The following USP8 variants were observed in gnomAD, a reference collection of about 807,000 sequenced individuals.
The protein encoded by USP8 is ubiquitin specific peptidase 8, also known as ubiquitin carboxyl-terminal hydrolase 8.
A neutral mutation model predicts 130.0 loss-of-function variants in USP8; 27 were observed. The ratio of observed to expected loss-of-function variants is 0.21; its 90% CI spans 0.15 to 0.29. USP8 has a LOEUF of 0.29. Ranked by LOEUF, USP8 falls within the 10% of genes least tolerant of loss-of-function variation. The pLI, the probability that USP8 is intolerant of heterozygous loss-of-function variation, is 1.00. For missense variants in USP8, 1,029 were observed against 1,312.2 expected, an observed-to-expected ratio of 0.78 and a Z score of 3.33; for synonymous variants, 392 against 444.1, an observed-to-expected ratio of 0.88 and a Z score of 1.48.
At chr15:50,487,543 C>T (rs2052008990) in intron 12 of USP8, among the ~76,000 whole-genome samples, 1 of 152,190 alleles carries the variant, frequency 6.6e-6, no homozygotes, top group Non-Finnish European at 1.5e-5. Context: ...CTAAGCAGGG[C>T]TTCACACCAG....
At chr15:50,496,221 CT>C in intron 17 of USP8, 137 bp downstream of exon 17, 1 of 673,814 alleles carries the variant, frequency 1.5e-6, no homozygotes, top group East Asian at 2.8e-5. Context: ...TGGCTCATAC[CT>C]TGTACTCCCA....
At chr15:50,446,679 G>A (rs11070778) in intron 3 of USP8, among the ~76,000 whole-genome samples, 20,809 of 152,166 alleles carry the variant, frequency 0.14, 1,918 homozygotes, top group Middle Eastern at 0.28. Flanking sequence ...ACATAGTGAA[G>A]GGTCCTTCTA....
At chr15:50,459,985 C>CCT in intron 5 of USP8, among the ~76,000 whole-genome samples, 1 of 96,112 alleles carries the variant, frequency 1.0e-5, no homozygotes, top group Non-Finnish European at 2.1e-5. Flanking sequence ...CCCAGTTCCC[C>CCT]CACCCCCCCC....
Position 50,511,814 on chromosome 15 carries a change from T to C in USP8, c.*12726T>C, listed in dbSNP as rs2052741796. ...GAGTTTGAGACCAGCCTGGGCAATA[T>C]AGCAAAACCCCATCTCAACCAAAAT... On this transcript the variant is annotated 3_prime_UTR_variant, in exon 20 of 20. Transcript: ENST00000307179. 1 of 151,970 alleles carries C rather than the reference T, an allele frequency of 6.6e-6. No individual in the cohort carries two copies. Among genetic ancestry groups the C allele is most frequent in the South Asian group, 2.1e-4 (1 of 4,820 alleles). 9.4% of individuals were successfully genotyped at this position (151,970 alleles called of 1,614,324 possible). A position where few individuals can be genotyped will look rare whatever the true frequency, so the allele number is the denominator to read the frequency against.
Position 50,499,607 on chromosome 15 carries a change from T to TAAC in USP8, c.*519_*520insAAC, listed in dbSNP as rs1384290967. On this transcript the variant is annotated 3_prime_UTR_variant, in exon 20 of 20. Transcript: ENST00000307179. ...TTTTTTTCTTTCAGCCTATTTTGAG[T>TAAC]TAACTTCAGTGCTTTCTTAGGGAAA... 1 of 43,464 alleles carries TAAC rather than the reference T, an allele frequency of 2.3e-5. No individual in the cohort carries two copies. The highest frequency in any genetic ancestry group is 3.3e-4 in the Admixed American group (1 of 3,076). The allele number at this position is 43,464 out of a possible 1,614,324, so 2.7% of individuals were successfully genotyped here.
At chr15:50,438,064 G>C (rs1451201910) in intron 1 of USP8, among the ~76,000 whole-genome samples, 1 of 152,206 alleles carries the variant, frequency 6.6e-6, no homozygotes, top group African/African-American at 2.4e-5. Context: ...AATGTGCACA[G>C]GGTTAGAAGG....
intron 1 of USP8, among the ~76,000 whole-genome samples, chr15:50,434,036 A>G (rs1290864222): frequency 6.6e-6 from 1 of 152,024 alleles, no homozygotes; most frequent in Non-Finnish European, 1.5e-5. Flanking sequence ...TGTTAGAAGC[A>G]TGTTAATTTT....
At chr15:50,437,999 A>G (rs2050140259) in intron 1 of USP8, among the ~76,000 whole-genome samples, 1 of 152,246 alleles carries the variant, frequency 6.6e-6, no homozygotes, top group African/African-American at 2.4e-5. Flanking sequence ...AAAAGTGAAA[A>G]TGATAAAAAT....
At chr15:50,487,380 G>T in intron 12 of USP8, among the ~76,000 whole-genome samples, 1 of 149,804 alleles carries the variant, frequency 6.7e-6, no homozygotes, top group South Asian at 2.2e-4. Flanking sequence ...GAGAGAGAGA[G>T]AGACACACAC....
At chr15:50,432,313 A>G (rs1309864647) in intron 1 of USP8, 2 of 152,004 alleles carry the variant, frequency 1.3e-5, no homozygotes, top group Non-Finnish European at 2.9e-5. Context: ...GCTACCTACC[A>G]TTTCTCCCTA....
At chr15:50,424,648 C>T (rs2049639447) in intron 1 of USP8, 134 bp downstream of exon 1, 2 of 396,374 alleles carry the variant, frequency 5.0e-6, no homozygotes, top group Non-Finnish European at 8.9e-6. Context: ...TGGGACAACT[C>T]CTAAAGGTAG....
In USP8 at chr15:50,509,342, G is replaced by C. The variant is rs1172959008; in HGVS notation, c.*10254G>C. The C allele has an allele frequency of 6.6e-6, 1 of 150,500 alleles. No individual in the cohort carries two copies. The highest frequency in any genetic ancestry group is 1.5e-5 in the Non-Finnish European group (1 of 67,660). 9.3% of individuals were successfully genotyped at this position (150,500 alleles called of 1,614,324 possible). A position where few individuals can be genotyped will look rare whatever the true frequency, so the allele number is the denominator to read the frequency against. On this transcript the variant is annotated 3_prime_UTR_variant, in exon 20 of 20. Transcript: ENST00000307179. The stretch of plus-strand genomic sequence containing the variant: ...AAAAATAGTAACTTGGACGTCAATA[G>C]TAAGATTTAGAGAATAAGAGACAAG...
chr15:50,451,819 C>T (rs1000516940), intron 4 of USP8, among the ~76,000 whole-genome samples: 2 of 152,208 alleles, frequency 1.3e-5, no homozygotes, highest in African/African-American at 4.8e-5. Flanking sequence ...TAGAATTTCT[C>T]TTGTCAGGCC....
In USP8 at chr15:50,504,981, C is replaced by CA. The variant is rs773642840; in HGVS notation, c.*5909dup. On this transcript the variant is annotated 3_prime_UTR_variant, in exon 20 of 20. Transcript: ENST00000307179. ...TGGGTGACAGAGTGAGACTCCATCT[C>CA]AAAAAAAAAAAAAAAAGAATAAACT... is the stretch of plus-strand genomic sequence containing the variant. The CA allele has an allele frequency of 2.9e-3, 231 of 78,478 alleles. 2 individuals carry two copies. Among genetic ancestry groups the CA allele is most frequent in the Middle Eastern group, 0.016 (2 of 124 alleles). The allele number at this position is 78,478 out of a possible 1,614,324, so 4.9% of individuals were successfully genotyped here.
chr15:50,453,860 C>CTTTTTTTTT (rs71124355), intron 4 of USP8, among the ~76,000 whole-genome samples: 8 of 86,944 alleles, frequency 9.2e-5, no homozygotes, highest in Non-Finnish European at 1.2e-4. Flanking sequence ...TGGGAATATT[C>CTTTTTTTTT]TTTTTTTTTT....
chr15:50,459,648 A>C (rs1033483544), intron 5 of USP8, among the ~76,000 whole-genome samples: 2 of 152,158 alleles, frequency 1.3e-5, no homozygotes, highest in African/African-American at 4.8e-5. Context: ...TTTTTCTGTG[A>C]ATTTCTATGG....
In USP8 at chr15:50,439,098, A is replaced by G; in HGVS notation, c.25A>G (p.Lys9Glu). ...CATGCCTGCTGTGGCTTCAGTTCCT[A>G]AAGAACTCTACCTCAGTTCTTCACT... MPAVASVP[K>E]ELYLSSSLKD... is the part of the protein sequence containing the mutation. Residue 9 changes from lysine to glutamate, a missense_variant, in exon 2 of 20, where the codon AAA (lysine) becomes GAA (glutamate). Coordinates refer to ENST00000307179, the MANE Select transcript of USP8 (RefSeq NM_005154.5). 1 of 1,605,670 alleles carries G rather than the reference A, an allele frequency of 6.2e-7. No individual in the cohort carries two copies. The highest frequency in any genetic ancestry group is 8.5e-7 in the Non-Finnish European group (1 of 1,177,640).
At chr15:50,493,032 T>A in intron 15 of USP8, 119 bp downstream of exon 15, 1 of 1,058,448 alleles carries the variant, frequency 9.4e-7, no homozygotes, top group Non-Finnish European at 1.4e-6. Flanking sequence ...AGATAATTTG[T>A]AAAGAACAAA....
At chr15:50,456,433 C>T (rs1290047198) in intron 4 of USP8, among the ~76,000 whole-genome samples, 2 of 151,176 alleles carry the variant, frequency 1.3e-5, no homozygotes, top group Non-Finnish European at 2.9e-5. Context: ...AGTAGCTGGC[C>T]GTGGTGGTGG....
Sources: gnomAD v4.1 joint callset for allele counts (sites outside exome capture counted in the v4.1 genomes callset) on GRCh38, gnomAD v4.1.1 for gene constraint, MANE v1.5 for transcripts, NCBI Gene and HGNC (gene_info 2026-07-23, HGNC 2026-07-21) for gene names.